ITGA9: variants seen among roughly 807,000 people sequenced by gnomAD.
ITGA9 encodes integrin alpha-9.
In ITGA9, 56 loss-of-function variants were observed where a neutral mutation model predicts 127.8. The observed-to-expected ratio is 0.44, with a 90% CI of 0.35 to 0.55. The LOEUF (loss-of-function observed/expected upper bound fraction) is 0.55, where lower values mean the gene tolerates loss of function less well. Ranked by LOEUF, ITGA9 falls within the 20% of genes least tolerant of loss-of-function variation. The probability of loss-of-function intolerance (pLI) is 0.00; values close to 1 mark genes in which losing one functional copy is unlikely to be tolerated. For synonymous variants in ITGA9, 508 were observed against 514.5 expected (o/e 0.99, Z 0.17); for missense variants, 1,196 against 1,347.1 (o/e 0.89, Z 1.76).
At chr3:37,637,818 G>C (rs566275579) in intron 16 of ITGA9, among the ~76,000 whole-genome samples, 2 of 152,248 alleles carry the variant, frequency 1.3e-5, no homozygotes, top group South Asian at 4.2e-4. Flanking sequence ...GATTACAGGT[G>C]CACGCCACTA....
At chr3:37,527,423 G>T (rs1314006636) in intron 13 of ITGA9, among the ~76,000 whole-genome samples, 2 of 152,176 alleles carry the variant, frequency 1.3e-5, no homozygotes, top group African/African-American at 4.8e-5. Flanking sequence ...GGTTAAATTT[G>T]CCTCCCTAAA....
chr3:37,622,232 C>T (rs539153243), intron 15 of ITGA9, among the ~76,000 whole-genome samples: 100 of 150,978 alleles, frequency 6.6e-4, no homozygotes, highest in African/African-American at 2.3e-3. Flanking sequence ...GGACTACAGG[C>T]GCCCGCCACC....
At chr3:37,652,841 G>A (rs1700442426) in intron 16 of ITGA9, among the ~76,000 whole-genome samples, 1 of 152,282 alleles carries the variant, frequency 6.6e-6, no homozygotes, top group African/African-American at 2.4e-5. Flanking sequence ...TGGAACTTGG[G>A]GAAGCTACTG....
At chr3:37,467,185 C>G (rs532051868) in intron 1 of ITGA9, among the ~76,000 whole-genome samples, 1 of 152,316 alleles carries the variant, frequency 6.6e-6, no homozygotes, top group Non-Finnish European at 1.5e-5. Context: ...CGCGTGCCAC[C>G]TCGTGAGTGT....
intron 15 of ITGA9, among the ~76,000 whole-genome samples, chr3:37,546,451 C>T (rs1158038595): frequency 6.6e-6 from 1 of 152,234 alleles, no homozygotes; most frequent in African/African-American, 2.4e-5. Context: ...TGGGCCCAGT[C>T]TGGGAAGCCC....
intron 19 of ITGA9, among the ~76,000 whole-genome samples, chr3:37,735,953 A>G (rs1213078802): frequency 1.3e-5 from 2 of 152,210 alleles, no homozygotes; most frequent in African/African-American, 2.4e-5. Context: ...ACAGTTCTTA[A>G]GGCTGAGAAG....
chr3:37,653,009 C>T (rs111786659), intron 16 of ITGA9, among the ~76,000 whole-genome samples: 23 of 152,354 alleles, frequency 1.5e-4, no homozygotes, highest in African/African-American at 5.5e-4. Context: ...GCACAGCCAG[C>T]AAGCTCTCTG....
intron 14 of ITGA9, among the ~76,000 whole-genome samples, chr3:37,533,704 T>A (rs1259514344): frequency 6.6e-6 from 1 of 152,206 alleles, no homozygotes; most frequent in East Asian, 1.9e-4. Flanking sequence ...CCAAGCATTC[T>A]TTTTGCAAAT....
chr3:37,818,840 G>A, intron 27 of ITGA9, 51 bp from the exon 28 acceptor site: 1 of 1,416,320 alleles, frequency 7.1e-7, no homozygotes, highest in Non-Finnish European at 1.0e-6. Context: ...GGTCACAATG[G>A]CTGATTCTTC....
chr3:37,505,082 T>C (rs1698826710), intron 6 of ITGA9, among the ~76,000 whole-genome samples: 1 of 151,052 alleles, frequency 6.6e-6, no homozygotes, highest in African/African-American at 2.4e-5. Flanking sequence ...CACCCATCCA[T>C]CTACCCAACC....
In ITGA9 at chr3:37,471,181, T is replaced by G. The variant is rs757117637; in HGVS notation, c.313+47T>G. The G allele has an allele frequency of 4.4e-6, 7 of 1,607,106 alleles. No individual in the cohort carries two copies. In the African/African-American group the frequency reaches 9.4e-5, roughly 21 times the overall value. ...GGTGGAAATGGGTTCTGTACCCTTATACCTTGCTCTTCTTCTTCCCAGGAT... is the reference window on the plus strand; with the variant it reads ...GGTGGAAATGGGTTCTGTACCCTTAGACCTTGCTCTTCTTCTTCCCAGGAT... On this transcript the variant is annotated intron_variant, in intron 2 of 27. Coordinates refer to ENST00000264741, the MANE Select transcript of ITGA9 (RefSeq NM_002207.3).
intron 15 of ITGA9, among the ~76,000 whole-genome samples, chr3:37,593,403 C>G (rs941189603): frequency 6.6e-5 from 10 of 152,156 alleles, no homozygotes; most frequent in African/African-American, 2.4e-4. Flanking sequence ...GGCTGACTAT[C>G]CCATAAATTG....
intron 15 of ITGA9, among the ~76,000 whole-genome samples, chr3:37,564,939 G>A (rs1699530983): frequency 1.3e-5 from 2 of 152,234 alleles, no homozygotes; most frequent in South Asian, 2.1e-4. Context: ...GCAGAGGTGA[G>A]GTTAAAGGGT....
At chr3:37,579,256 C>G (rs1057016590) in intron 15 of ITGA9, among the ~76,000 whole-genome samples, 1 of 152,134 alleles carries the variant, frequency 6.6e-6, no homozygotes, top group Non-Finnish European at 1.5e-5. Context: ...ATTCTCACAC[C>G]GAAGTAATTC....
At chr3:37,648,567 C>A (rs1284170484) in intron 16 of ITGA9, among the ~76,000 whole-genome samples, 1 of 152,132 alleles carries the variant, frequency 6.6e-6, no homozygotes, top group Non-Finnish European at 1.5e-5. Context: ...GTAGAGGCTG[C>A]AGTGAGCCAA....
intron 18 of ITGA9, among the ~76,000 whole-genome samples, chr3:37,686,548 G>T (rs1316352373): frequency 6.6e-6 from 1 of 152,180 alleles, no homozygotes; most frequent in East Asian, 1.9e-4. Flanking sequence ...GGCCACTGTA[G>T]CTGGCCATGG....
chr3:37,782,511 A>G (rs1289794347), intron 25 of ITGA9, among the ~76,000 whole-genome samples: 2 of 152,354 alleles, frequency 1.3e-5, no homozygotes, highest in African/African-American at 4.8e-5. Context: ...TTCAAGGCTC[A>G]TTCTCCATGT....
At chr3:37,519,147 A>G in intron 10 of ITGA9, 113 bp from the exon 11 acceptor site, 1 of 786,322 alleles carries the variant, frequency 1.3e-6, no homozygotes, top group Non-Finnish European at 2.2e-6. Context: ...TGAACAATCA[A>G]CAACCAATAA....
At chr3:37,567,137 C>T (rs527343534) in intron 15 of ITGA9, among the ~76,000 whole-genome samples, 114 of 152,284 alleles carry the variant, frequency 7.5e-4, no homozygotes, top group Middle Eastern at 3.4e-3. Flanking sequence ...GTTTAATGAA[C>T]GCACAGTTCC....
Sources: gnomAD v4.1 joint callset for allele counts (sites outside exome capture counted in the v4.1 genomes callset) on GRCh38, gnomAD v4.1.1 for gene constraint, MANE v1.5 for transcripts, NCBI Gene and HGNC (gene_info 2026-07-23, HGNC 2026-07-21) for gene names.